Variants in MROH9 observed in about 807,000 individuals in gnomAD.
MROH9 encodes maestro heat-like repeat-containing protein family member 9.
MROH9 carries 92 observed loss-of-function variants against 98.2 expected under a neutral mutation model. That is an observed-to-expected ratio of 0.94 (90% CI 0.79 to 1.11). MROH9 has a LOEUF of 1.11. Ranked by LOEUF, MROH9 falls within the 50% of genes most tolerant of loss-of-function variation. The probability of loss-of-function intolerance (pLI) is 0.00; values close to 1 mark genes in which losing one functional copy is unlikely to be tolerated. For missense variants in MROH9, 1,057 were observed against 1,014.8 expected (o/e 1.04, Z -0.57); for synonymous variants, 397 against 368.9 (o/e 1.08, Z -0.87).
intron 21 of MROH9, among the ~76,000 whole-genome samples, chr1:171,063,380 G>A (rs12041488): frequency 6.6e-6 from 1 of 151,042 alleles, no homozygotes; most frequent in Non-Finnish European, 1.5e-5. Context: ...AGCCTTCTGA[G>A]TAAGTGGGAC....
chr1:170,953,956 T>C (rs1029474590), intron 3 of MROH9, among the ~76,000 whole-genome samples: 3 of 151,892 alleles, frequency 2.0e-5, no homozygotes, highest in Non-Finnish European at 1.5e-5. Context: ...ATTTCAGCCA[T>C]TTCTCTAGGT....
At chr1:171,030,357 C>G (rs759666573) in intron 20 of MROH9, among the ~76,000 whole-genome samples, 6 of 152,008 alleles carry the variant, frequency 3.9e-5, no homozygotes, top group Non-Finnish European at 7.4e-5. Flanking sequence ...TCTTGATGCT[C>G]TAGCTCTTTT....
chr1:170,956,494 G>T (rs1649761436), intron 3 of MROH9, among the ~76,000 whole-genome samples: 1 of 151,518 alleles, frequency 6.6e-6, no homozygotes, highest in Admixed American at 6.6e-5. Flanking sequence ...ATTTATTTCA[G>T]CAGTGTTTTG....
intron 3 of MROH9, among the ~76,000 whole-genome samples, chr1:170,957,802 T>G (rs537436786): frequency 0.011 from 1,476 of 134,020 alleles, 20 homozygotes; most frequent in Non-Finnish European, 0.017. Flanking sequence ...TTTGTTTTTT[T>G]TTTTTTTGTT....
intron 8 of MROH9, among the ~76,000 whole-genome samples, chr1:170,973,206 T>G (rs1650539380): frequency 6.6e-6 from 1 of 152,072 alleles, no homozygotes; most frequent in Admixed American, 6.5e-5. Flanking sequence ...AGCTGAGTAC[T>G]AATGAGAACA....
At chr1:171,012,540 T>C (rs976450402) in intron 15 of MROH9, among the ~76,000 whole-genome samples, 3 of 145,618 alleles carry the variant, frequency 2.1e-5, no homozygotes, top group African/African-American at 5.3e-5. Context: ...TCTTGCTCCG[T>C]CACCCAGGCT....
chr1:171,030,836 A>G (rs949329587), intron 20 of MROH9, among the ~76,000 whole-genome samples: 11 of 152,150 alleles, frequency 7.2e-5, no homozygotes, highest in Admixed American at 7.2e-4. Flanking sequence ...AGTCCTGAAT[A>G]TCTTTATTAA....
At chr1:170,988,387 A>T (rs879771200) in intron 10 of MROH9, among the ~76,000 whole-genome samples, 4 of 152,192 alleles carry the variant, frequency 2.6e-5, no homozygotes, top group Non-Finnish European at 5.9e-5. Context: ...AAACACAACC[A>T]CAGGGAAAGG....
chr1:170,999,970 C>T (rs528901756), intron 15 of MROH9, among the ~76,000 whole-genome samples: 10 of 152,108 alleles, frequency 6.6e-5, no homozygotes, highest in African/African-American at 2.2e-4. Context: ...TGTTGGCCAT[C>T]TGTATATCTT....
intron 15 of MROH9, among the ~76,000 whole-genome samples, chr1:171,011,030 T>G (rs1313434439): frequency 6.6e-6 from 1 of 152,202 alleles, no homozygotes; most frequent in East Asian, 1.9e-4. Context: ...GCCTACATCC[T>G]GAATGGTGTT....
intron 20 of MROH9, among the ~76,000 whole-genome samples, chr1:171,058,007 A>C (rs1653899580): frequency 6.6e-6 from 1 of 152,202 alleles, no homozygotes; most frequent in African/African-American, 2.4e-5. Flanking sequence ...AGGCAAGAGA[A>C]ACAAATAAAG....
In MROH9 at chr1:170,996,632, G is replaced by A; in HGVS notation, c.1463G>A (p.Cys488Tyr). The change falls in exon 14 of 22, where the codon TGC becomes TAC. Residue 488 changes from cysteine to tyrosine, a missense_variant. By Grantham distance (194) the Cys-to-Tyr change is radical. Transcript: ENST00000367759. ...GATCTGTGTTACTATCATGGAGTCT[G>A]CTTTATTGCTAAGTAAGAACAGGGG... ...SEDLCYYHGVCFIAKTLSEYN... is the reference protein window; with the variant it reads ...SEDLCYYHGVYFIAKTLSEYN... 1 of 1,613,302 alleles carries A rather than the reference G, an allele frequency of 6.2e-7. No individual in the cohort carries two copies. Among genetic ancestry groups the A allele is most frequent in the Non-Finnish European group, 8.5e-7 (1 of 1,179,498 alleles).
At chr1:170,998,575 A>G in intron 15 of MROH9, 1 of 1,357,618 alleles carries the variant, frequency 7.4e-7, no homozygotes, top group Non-Finnish European at 9.5e-7. Context: ...TTGTTAAAGT[A>G]TATTGAGGGA....
chr1:171,034,279 G>C (rs944264099), intron 20 of MROH9, among the ~76,000 whole-genome samples: 1 of 152,110 alleles, frequency 6.6e-6, no homozygotes. Flanking sequence ...AAGAACTCAG[G>C]ATGAAATCAT....
intron 20 of MROH9, among the ~76,000 whole-genome samples, chr1:171,035,452 T>C (rs1451374310): frequency 6.6e-6 from 1 of 151,734 alleles, no homozygotes; most frequent in Non-Finnish European, 1.5e-5. Context: ...AAATAAAAAC[T>C]GATGTTAAAA....
At chr1:171,046,315 A>G (rs2101863960) in intron 20 of MROH9, among the ~76,000 whole-genome samples, 1 of 151,984 alleles carries the variant, frequency 6.6e-6, no homozygotes, top group Middle Eastern at 3.4e-3. Context: ...ATTTATTAGA[A>G]CTTACTCCTG....
At chr1:170,976,101 T>TA (rs1417149024) in intron 8 of MROH9, among the ~76,000 whole-genome samples, 2 of 152,198 alleles carry the variant, frequency 1.3e-5, no homozygotes, top group African/African-American at 2.4e-5. Context: ...TTGTTTTTTA[T>TA]TAAGCTTGCC....
chr1:171,042,988 T>C (rs1215111771), intron 20 of MROH9, among the ~76,000 whole-genome samples: 5 of 152,146 alleles, frequency 3.3e-5, no homozygotes, highest in Admixed American at 3.3e-4. Context: ...CTTTTTAACT[T>C]GAGGTGATTT....
chr1:171,030,723 G>C (rs1015175757), intron 20 of MROH9, among the ~76,000 whole-genome samples: 4 of 152,182 alleles, frequency 2.6e-5, no homozygotes, highest in Admixed American at 1.3e-4. Flanking sequence ...GTCTAGTTTA[G>C]AATCAGTGCC....
Sources: allele counts gnomAD v4.1 joint callset (sites outside exome capture counted in the v4.1 genomes callset), GRCh38; gene constraint gnomAD v4.1.1; transcripts MANE v1.5; gene names NCBI Gene and HGNC (gene_info 2026-07-23, HGNC 2026-07-21).